Variants in DLGAP2 observed in about 807,000 individuals in gnomAD.
The protein encoded by DLGAP2 is disks large-associated protein 2.
Under a neutral mutation model 100.3 loss-of-function variants are expected in DLGAP2, and 26 were observed. The observed-to-expected ratio is 0.26, with a 90% confidence interval of 0.19 to 0.36. The LOEUF is 0.36. DLGAP2 is among the 10% of genes least tolerant of loss of function. The pLI, the probability that DLGAP2 is intolerant of heterozygous loss-of-function variation, is 1.00. For missense variants in DLGAP2, 1,858 were observed against 1,453.2 expected (o/e 1.28, Z -4.53); for synonymous variants, 886 against 630.1 (o/e 1.41, Z -6.08).
intron 2 of DLGAP2, among the ~76,000 whole-genome samples, chr8:1,061,024 A>G (rs532902308): frequency 5.3e-5 from 8 of 152,360 alleles, no homozygotes; most frequent in African/African-American, 1.7e-4. Flanking sequence ...ATGTTGGGCA[A>G]CCATGGCAGT....
At chr8:762,450 G>C (rs1341289615) in intron 1 of DLGAP2, among the ~76,000 whole-genome samples, 1 of 152,204 alleles carries the variant, frequency 6.6e-6, no homozygotes, top group Non-Finnish European at 1.5e-5. Context: ...GGCTCAAATG[G>C]AGTGGAATTA....
chr8:968,992 T>C (rs918383389), intron 2 of DLGAP2, among the ~76,000 whole-genome samples: 10 of 152,308 alleles, frequency 6.6e-5, no homozygotes, highest in African/African-American at 2.4e-4. Flanking sequence ...ACTTGCTGCA[T>C]AGTGTGTGGG....
chr8:1,304,630 T>C (rs1270992154), intron 3 of DLGAP2, among the ~76,000 whole-genome samples: 1 of 152,186 alleles, frequency 6.6e-6, no homozygotes, highest in Non-Finnish European at 1.5e-5. Context: ...ATTAAATTTA[T>C]ATGGCTACAC....
intron 1 of DLGAP2, among the ~76,000 whole-genome samples, chr8:781,751 A>G (rs570089370): frequency 4.6e-5 from 7 of 152,282 alleles, no homozygotes; most frequent in Non-Finnish European, 7.3e-5. Flanking sequence ...CTAAGGGCCC[A>G]TGTCATTGTT....
At position 1,549,603 on chromosome 8, in the gene DLGAP2, C is replaced by A. The variant is rs766653333; in HGVS notation, c.1150C>A (p.Arg384Ser). ...LTVSQAKEAY[R>S]KSSLNLDKPL... The stretch of plus-strand genomic sequence containing the variant: ...GGTCAGCCAGGCCAAGGAGGCCTAC[C>A]GCAAGAGCTCGCTGAACCTGGACAA... Residue 384 changes from arginine to serine, a missense_variant, in exon 5 of 15, where the codon CGC (arginine) becomes AGC (serine). Physicochemically the swap from Arg to Ser is moderately radical, Grantham distance 110. Coordinates refer to ENST00000637795, the MANE Select transcript of DLGAP2 (RefSeq NM_001346810.2). The A allele has an allele frequency of 6.3e-7, 1 of 1,597,504 alleles. No homozygotes were observed. Among genetic ancestry groups the A allele is most frequent in the Non-Finnish European group, 8.5e-7 (1 of 1,174,154 alleles).
intron 5 of DLGAP2, among the ~76,000 whole-genome samples, chr8:1,557,536 C>T (rs1397991515): frequency 6.6e-6 from 1 of 152,088 alleles, no homozygotes; most frequent in Non-Finnish European, 1.5e-5. Flanking sequence ...GTCTCCGCAC[C>T]GAGGCAAGGA....
intron 6 of DLGAP2, among the ~76,000 whole-genome samples, chr8:1,614,822 CCACA>C (rs959761734): frequency 2.0e-5 from 3 of 151,504 alleles, no homozygotes; most frequent in Non-Finnish European, 4.4e-5. Context: ...ACTGTGGAGC[CCACA>C]CACACATGCA....
chr8:867,092 C>T (rs36022350), intron 1 of DLGAP2, among the ~76,000 whole-genome samples: 35,012 of 152,188 alleles, frequency 0.23, 4,299 homozygotes, highest in African/African-American at 0.3. Context: ...ACCACTGATT[C>T]GTGTGCCGCC....
At chr8:871,928 G>T (rs932537112) in intron 1 of DLGAP2, among the ~76,000 whole-genome samples, 1 of 151,890 alleles carries the variant, frequency 6.6e-6, no homozygotes, top group Non-Finnish European at 1.5e-5. Context: ...TTGTCTACTT[G>T]GTGTTATTTG....
rs1799629621 is a variant in DLGAP2, at chr8:1,703,517, C to CTGTT, written c.*2113_*2116dup. 1 of 152,480 alleles carries CTGTT rather than the reference C, an allele frequency of 6.6e-6. No homozygotes were observed. Among genetic ancestry groups the CTGTT allele is most frequent in the Non-Finnish European group, 1.5e-5 (1 of 68,038 alleles). The allele number at this position is 152,480 out of a possible 1,614,324, so 9.4% of individuals were successfully genotyped here. A position where few individuals can be genotyped will look rare whatever the true frequency, so the allele number is the denominator to read the frequency against. On this transcript the variant is annotated 3_prime_UTR_variant, in exon 15 of 15. Coordinates refer to ENST00000637795, the MANE Select transcript of DLGAP2 (RefSeq NM_001346810.2). The stretch of plus-strand genomic sequence containing the variant: ...GCTGTATGATTTCAGATGAACTCTG[C>CTGTT]TGTTTAGAAGTAACCACAGAAAAGC...
chr8:1,653,191 C>T lies in DLGAP2; in HGVS notation c.1811-15138C>T, dbSNP rs73671290. Among the ~76,000 whole-genome samples the T allele has an allele frequency of 2.8e-3, 421 of 151,890 alleles. 3 individuals carry two copies. The highest frequency in any genetic ancestry group is 9.8e-3 in the African/African-American group (406 of 41,406). On this transcript the variant is annotated intron_variant, in intron 8 of 14. Transcript: ENST00000637795. ...TGGCCCTGTGGGTGGGGTAGGGAGCCGACAATCCTCACCACGCAGATGCTG... is the reference window on the plus strand; with the variant it reads ...TGGCCCTGTGGGTGGGGTAGGGAGCTGACAATCCTCACCACGCAGATGCTG...
At chr8:1,533,758 A>G (rs1478551684) in intron 4 of DLGAP2, among the ~76,000 whole-genome samples, 4 of 152,164 alleles carry the variant, frequency 2.6e-5, no homozygotes, top group African/African-American at 9.7e-5. Context: ...AATACTGTCA[A>G]TCAGCCCAGG....
In DLGAP2 at chr8:1,062,814, C is replaced by T. The variant is rs532652328; in HGVS notation, c.73+154848C>T. ...CTTTGGGGGAAAAGCTCTTGCACAGCTGTCCAGAACTACGGTGCTGTAATT... is the reference window on the plus strand; with the variant it reads ...CTTTGGGGGAAAAGCTCTTGCACAGTTGTCCAGAACTACGGTGCTGTAATT... On this transcript the variant is annotated intron_variant, in intron 2 of 14. Transcript: ENST00000637795. Among the ~76,000 whole-genome samples, 13 of 152,318 alleles carry T rather than the reference C, an allele frequency of 8.5e-5. No homozygotes were observed. The South Asian group carries it at 1.4e-3, about 17-fold the overall frequency.
In DLGAP2 at chr8:1,565,866, G is replaced by A. The variant is rs545241585; in HGVS notation, c.1414G>A (p.Gly472Arg). 32 of 1,610,714 alleles carry A rather than the reference G, an allele frequency of 2.0e-5. No individual in the cohort carries two copies. The highest frequency in any genetic ancestry group is 9.3e-5 in the African/African-American group (7 of 74,936). The change falls in exon 6 of 15, where the codon GGA (glycine) becomes AGA (arginine). Residue 472 changes from glycine to arginine, a missense_variant. Gly to Arg is a moderately radical substitution (Grantham distance 125). Coordinates refer to ENST00000637795, the MANE Select transcript of DLGAP2 (RefSeq NM_001346810.2). ...ACCAGAGCCGCTGCTGAAGTCCATC[G>A]GACAGAGACCGCTTGGAGAGCACCA... ...ILPEPLLKSIGQRPLGEHQTQ... is the reference protein window; with the variant it reads ...ILPEPLLKSIRQRPLGEHQTQ...
At chr8:1,164,045 C>A (rs754293981) in intron 2 of DLGAP2, among the ~76,000 whole-genome samples, 1 of 152,090 alleles carries the variant, frequency 6.6e-6, no homozygotes, top group Non-Finnish European at 1.5e-5. Context: ...TCTAGTGAGA[C>A]TCGGTCCTTA....
intron 3 of DLGAP2, among the ~76,000 whole-genome samples, chr8:1,311,566 A>G (rs565994540): frequency 6.6e-6 from 1 of 152,324 alleles, no homozygotes; most frequent in Non-Finnish European, 1.5e-5. Flanking sequence ...GTGTATTAAA[A>G]GGTTTAGACT....
At chr8:761,479 G>GT (rs1563417036) in intron 1 of DLGAP2, among the ~76,000 whole-genome samples, 1 of 152,308 alleles carries the variant, frequency 6.6e-6, no homozygotes, top group East Asian at 1.9e-4. Flanking sequence ...TAAGATTGTA[G>GT]TTTTTTATAT....
At chr8:1,126,491 C>T (rs1227973164) in intron 2 of DLGAP2, among the ~76,000 whole-genome samples, 1 of 151,702 alleles carries the variant, frequency 6.6e-6, no homozygotes, top group Non-Finnish European at 1.5e-5. Flanking sequence ...AGGTGAGGGG[C>T]TGGGATCTCT....
chr8:824,466 C>T (rs1358789628), intron 1 of DLGAP2, among the ~76,000 whole-genome samples: 1 of 152,148 alleles, frequency 6.6e-6, no homozygotes, highest in Non-Finnish European at 1.5e-5. Flanking sequence ...AGCGCGTTGG[C>T]TTACTTTTCC....
Sources: allele counts gnomAD v4.1 joint callset (sites outside exome capture counted in the v4.1 genomes callset), GRCh38; gene constraint gnomAD v4.1.1; transcripts MANE v1.5; gene names NCBI Gene and HGNC (gene_info 2026-07-23, HGNC 2026-07-21).